The following ROBO1 variants were observed in gnomAD, a reference collection of about 807,000 sequenced individuals.
ROBO1 encodes the protein roundabout homolog 1.
In ROBO1, 149 loss-of-function variants were observed where a neutral mutation model predicts 195.9. The ratio of observed to expected loss-of-function variants is 0.76; its 90% confidence interval spans 0.67 to 0.87. The LOEUF is 0.87. Ranked by LOEUF, ROBO1 falls within the 40% of genes least tolerant of loss-of-function variation. The pLI is 0.00. For synonymous variants in ROBO1, 816 were observed against 733.2 expected, an observed-to-expected ratio of 1.11 and a Z score of -1.82; for missense variants, 1,933 against 2,068.3, an observed-to-expected ratio of 0.93 and a Z score of 1.27.
At chr3:78,799,120 T>A (rs2084276364) in intron 4 of ROBO1, among the ~76,000 whole-genome samples, 1 of 152,176 alleles carries the variant, frequency 6.6e-6, no homozygotes, top group Non-Finnish European at 1.5e-5. Flanking sequence ...TTGCTACAAA[T>A]TCGCACAGCT....
chr3:78,938,694 G>T lies in ROBO1; in HGVS notation c.406C>A (p.Arg136=). The T allele has an allele frequency of 6.2e-7, 1 of 1,613,850 alleles. No individual in the cohort carries two copies. Among genetic ancestry groups the T allele is most frequent in the Non-Finnish European group, 8.5e-7 (1 of 1,179,890 alleles). The change falls in exon 4 of 31, where the codon CGG becomes AGG. Residue 136 remains arginine (R), a synonymous_variant. Coordinates refer to ENST00000464233, the MANE Select transcript of ROBO1 (RefSeq NM_002941.4). ...SLFFLRIVHG[R]KSRPDEGVYV... The stretch of plus-strand genomic sequence containing the variant: ...ACTCCTTCATCAGGTCTACTTTTCC[G>T]TCCATGTACTATACGTAAGAAAAAT...
chr3:79,094,275 G>A (rs2079527312), intron 3 of ROBO1, among the ~76,000 whole-genome samples: 1 of 152,012 alleles, frequency 6.6e-6, no homozygotes, highest in South Asian at 2.1e-4. Flanking sequence ...AACTTAAAAT[G>A]TTGAATAAAG....
At chr3:78,896,437 C>T (rs1028826798) in intron 4 of ROBO1, among the ~76,000 whole-genome samples, 1 of 151,894 alleles carries the variant, frequency 6.6e-6, no homozygotes, top group Non-Finnish European at 1.5e-5. Context: ...GATCAATGTA[C>T]TTTGTAATCT....
chr3:79,696,122 A>G (rs1013364688), intron 1 of ROBO1, among the ~76,000 whole-genome samples: 2 of 151,360 alleles, frequency 1.3e-5, no homozygotes, highest in African/African-American at 4.8e-5. Context: ...TGTGGGATAT[A>G]TTGATAATTT....
At chr3:79,612,900 G>A (rs1419312763) in intron 1 of ROBO1, among the ~76,000 whole-genome samples, 1 of 376 alleles carries the variant, frequency 2.7e-3, no homozygotes, top group African/African-American at 9.8e-3. Flanking sequence ...CTTGCACATT[G>A]TTTTGCAATG....
At position 79,023,390 on chromosome 3, in the gene ROBO1, G is replaced by A. The variant is rs147379840; in HGVS notation, c.173-84463C>T. Among the ~76,000 whole-genome samples, 86 of 152,214 alleles carry A rather than the reference G, an allele frequency of 5.6e-4. 1 individual carries two copies. The East Asian group carries it at 0.015, about 27-fold the overall frequency. ...CTCAGAAAGCAAGCTAAAGTGATCCGAATAATCCGAATAAAAGGAGAGTAA... is the reference window on the plus strand; with the variant it reads ...CTCAGAAAGCAAGCTAAAGTGATCCAAATAATCCGAATAAAAGGAGAGTAA... On this transcript the variant is annotated intron_variant, in intron 3 of 30. Coordinates refer to ENST00000464233, the MANE Select transcript of ROBO1 (RefSeq NM_002941.4).
chr3:78,679,599 A>G (rs1231770117), intron 10 of ROBO1, among the ~76,000 whole-genome samples: 1 of 152,158 alleles, frequency 6.6e-6, no homozygotes, highest in Non-Finnish European at 1.5e-5. Flanking sequence ...AGAATAAAAT[A>G]CCTAGGAATC....
At chr3:79,018,625 C>A in intron 3 of ROBO1, 1 of 1,449,096 alleles carries the variant, frequency 6.9e-7, no homozygotes, top group Non-Finnish European at 9.1e-7. Context: ...CCTTTCCGGA[C>A]GCTTGTCAGT....
At chr3:79,598,449 G>A (rs1015674223) in intron 1 of ROBO1, among the ~76,000 whole-genome samples, 2 of 151,982 alleles carry the variant, frequency 1.3e-5, no homozygotes, top group Non-Finnish European at 2.9e-5. Flanking sequence ...ATTTCACTGT[G>A]TTTAAAGATA....
At chr3:78,925,335 T>C (rs1487948378) in intron 4 of ROBO1, among the ~76,000 whole-genome samples, 1 of 152,190 alleles carries the variant, frequency 6.6e-6, no homozygotes, top group Non-Finnish European at 1.5e-5. Context: ...AGAATATGTA[T>C]TAAATAATGT....
At chr3:78,792,161 T>C (rs1376940288) in intron 4 of ROBO1, among the ~76,000 whole-genome samples, 3 of 152,142 alleles carry the variant, frequency 2.0e-5, no homozygotes, top group Non-Finnish European at 4.4e-5. Flanking sequence ...GGGACCTCAT[T>C]GTGGGGAACT....
chr3:79,216,076 C>G (rs1250798671), intron 2 of ROBO1, among the ~76,000 whole-genome samples: 1 of 152,074 alleles, frequency 6.6e-6, no homozygotes, highest in Admixed American at 6.6e-5. Flanking sequence ...ATCACAAATT[C>G]TCCTTTAGGT....
At chr3:79,097,855 G>GC (rs879861393) in intron 3 of ROBO1, among the ~76,000 whole-genome samples, 5 of 150,902 alleles carry the variant, frequency 3.3e-5, no homozygotes, top group East Asian at 3.9e-4. Flanking sequence ...CCTACATGCA[G>GC]TTTTTTTTTA....
At chr3:79,649,139 T>C (rs1308913136) in intron 1 of ROBO1, among the ~76,000 whole-genome samples, 2 of 152,034 alleles carry the variant, frequency 1.3e-5, no homozygotes, top group East Asian at 1.9e-4. Flanking sequence ...GAGTCCCTAG[T>C]ATTTTTTTAA....
intron 2 of ROBO1, among the ~76,000 whole-genome samples, chr3:79,495,042 T>TAGAA (rs1939659442): frequency 1.3e-5 from 2 of 152,124 alleles, no homozygotes; most frequent in African/African-American, 4.8e-5. Flanking sequence ...GATAGATAGA[T>TAGAA]AATTTGTTTA....
At chr3:79,749,974 A>G (rs1704056537) in intron 1 of ROBO1, among the ~76,000 whole-genome samples, 1 of 152,166 alleles carries the variant, frequency 6.6e-6, no homozygotes, top group East Asian at 1.9e-4. Context: ...TAGATCCACC[A>G]ACAGCTTGTG....
intron 1 of ROBO1, among the ~76,000 whole-genome samples, chr3:79,612,377 G>C (rs1359148433): frequency 1.4e-5 from 2 of 147,286 alleles, no homozygotes; most frequent in Non-Finnish European, 3.0e-5. Flanking sequence ...TTTTATGGCT[G>C]CATAGTATTC....
intron 8 of ROBO1, chr3:78,692,993 C>A (rs1367871168): frequency 2.7e-5 from 5 of 185,866 alleles, no homozygotes; most frequent in African/African-American, 1.2e-4. Flanking sequence ...GAACCAAAAT[C>A]ATTCTCTGCA....
In ROBO1 at chr3:78,661,037, C is replaced by T; in HGVS notation, c.2313G>A (p.Leu771=). ...ACGCTTCATCATACTTGCCTTCTTC[C>T]AGGGTTTTGGCAAACTTGATTTCAC... ...ADSEIKFAKT[L]EEAPSAPPQG... Residue 771 remains leucine (L), a synonymous_variant, in exon 16 of 31, where the codon CTG becomes CTA. Coordinates refer to ENST00000464233, the MANE Select transcript of ROBO1 (RefSeq NM_002941.4). The T allele has an allele frequency of 6.2e-7, 1 of 1,610,916 alleles. No homozygotes were observed. The highest frequency in any genetic ancestry group is 8.5e-7 in the Non-Finnish European group (1 of 1,178,098).
Sources: allele counts gnomAD v4.1 joint callset (sites outside exome capture counted in the v4.1 genomes callset), GRCh38; gene constraint gnomAD v4.1.1; transcripts MANE v1.5; gene names NCBI Gene and HGNC (gene_info 2026-07-23, HGNC 2026-07-21).